The following R3HDM1 variants were observed in gnomAD, a reference collection of about 807,000 sequenced individuals.
R3HDM1 encodes R3H domain-containing protein 1.
A neutral mutation model predicts 141.1 loss-of-function variants in R3HDM1; 46 were observed. The ratio of observed to expected loss-of-function variants is 0.33; its 90% CI spans 0.26 to 0.42. The LOEUF is 0.42. Among genes scored for constraint, R3HDM1 ranks in the 10% least tolerant of loss-of-function variants. The pLI, the probability that R3HDM1 is intolerant of heterozygous loss-of-function variation, is 1.00. For missense variants in R3HDM1, 1,184 were observed against 1,368.3 expected (o/e 0.87, Z 2.12); for synonymous variants, 435 against 472.9 (o/e 0.92, Z 1.04).
intron 24 of R3HDM1, 98 bp from the exon 25 acceptor site, chr2:135,721,826 A>G: frequency 2.1e-6 from 2 of 957,726 alleles, no homozygotes; most frequent in South Asian, 2.8e-5. Context: ...GGCCTTAAGT[A>G]ATCCGCCTGC....
At chr2:135,713,129 G>A (rs1217730246) in intron 23 of R3HDM1, among the ~76,000 whole-genome samples, 1 of 152,096 alleles carries the variant, frequency 6.6e-6, no homozygotes, top group Non-Finnish European at 1.5e-5. Flanking sequence ...TTGACCCTGA[G>A]TGGTAGAGGC....
chr2:135,571,989 GCACCACGTC>G (rs1704218215), intron 1 of R3HDM1, among the ~76,000 whole-genome samples: 1 of 91,512 alleles, frequency 1.1e-5, no homozygotes, highest in Non-Finnish European at 1.8e-5. Flanking sequence ...CGTCATCCAG[GCACCACGTC>G]ATCCAGGAGT....
chr2:135,628,856 C>T (rs745772805), intron 7 of R3HDM1, among the ~76,000 whole-genome samples: 1 of 152,126 alleles, frequency 6.6e-6, no homozygotes, highest in Non-Finnish European at 1.5e-5. Flanking sequence ...GAACTCCCTA[C>T]CTCAGGTGAC....
intron 7 of R3HDM1, among the ~76,000 whole-genome samples, chr2:135,627,474 A>G (rs1051692256): frequency 2.0e-5 from 3 of 152,160 alleles, no homozygotes; most frequent in Admixed American, 1.3e-4. Flanking sequence ...AGACTACCCT[A>G]TTAAATACAG....
chr2:135,666,264 T>TGAG (rs1331002462), intron 19 of R3HDM1, among the ~76,000 whole-genome samples: 1 of 152,124 alleles, frequency 6.6e-6, no homozygotes, highest in Non-Finnish European at 1.5e-5. Flanking sequence ...GGTAAGCAGG[T>TGAG]GAGGGGGCTT....
Position 135,540,777 on chromosome 2 carries a change from C to T in R3HDM1, c.-250+9144C>T, listed in dbSNP as rs182883778. Among the ~76,000 whole-genome samples, 17 of 152,252 alleles carry T rather than the reference C, an allele frequency of 1.1e-4. No individual in the cohort carries two copies. The East Asian group carries it at 3.3e-3, about 29-fold the overall frequency. ...TCCAGAAGGTTTTCAGCTTACTTTA[C>T]CCAGTTGCATCAGAGGAATTACTAT... On this transcript the variant is annotated intron_variant, in intron 1 of 26. Transcript: ENST00000683871.
chr2:135,648,498 G>T (rs1232158640), intron 16 of R3HDM1, among the ~76,000 whole-genome samples: 1 of 152,074 alleles, frequency 6.6e-6, no homozygotes, highest in Non-Finnish European at 1.5e-5. Context: ...CAGAGATATT[G>T]TTCAGAAGGA....
intron 21 of R3HDM1, among the ~76,000 whole-genome samples, chr2:135,699,829 T>C (rs1300572123): frequency 6.6e-6 from 1 of 152,146 alleles, no homozygotes; most frequent in African/African-American, 2.4e-5. Flanking sequence ...TAGAGATAAA[T>C]TGTTACTCGA....
intron 1 of R3HDM1, among the ~76,000 whole-genome samples, chr2:135,601,330 G>T (rs1385985920): frequency 2.0e-5 from 3 of 152,130 alleles, no homozygotes; most frequent in African/African-American, 7.2e-5. Context: ...AAATCAAAAT[G>T]TGAAAAGTAA....
At chr2:135,534,882 A>G (rs1695718805) in intron 1 of R3HDM1, among the ~76,000 whole-genome samples, 1 of 152,136 alleles carries the variant, frequency 6.6e-6, no homozygotes, top group African/African-American at 2.4e-5. Flanking sequence ...CATTTGAGTT[A>G]GTATTAAGTT....
intron 1 of R3HDM1, among the ~76,000 whole-genome samples, chr2:135,597,863 T>C (rs2059321442): frequency 6.6e-6 from 1 of 152,184 alleles, no homozygotes; most frequent in African/African-American, 2.4e-5. Flanking sequence ...CTAGAGTAAA[T>C]TGACTTTTGT....
At chr2:135,701,227 A>G (rs1371153446) in intron 21 of R3HDM1, among the ~76,000 whole-genome samples, 1 of 149,786 alleles carries the variant, frequency 6.7e-6, no homozygotes, top group Non-Finnish European at 1.5e-5. Context: ...CTCTACCAAA[A>G]AAAAAAAAAA....
intron 1 of R3HDM1, among the ~76,000 whole-genome samples, chr2:135,534,699 AAATGGGTGCTTCTCCAAAGAG>A (rs906959328): frequency 6.6e-6 from 1 of 152,250 alleles, no homozygotes. Context: ...AACCTGGTAC[AAATGGGTGCTTCTCCAAAGAG>A]GTCTTACATG....
At chr2:135,551,798 A>G (rs1699897693) in intron 1 of R3HDM1, among the ~76,000 whole-genome samples, 1 of 152,132 alleles carries the variant, frequency 6.6e-6, no homozygotes, top group Non-Finnish European at 1.5e-5. Flanking sequence ...TTTGAGTGAA[A>G]TGTCAAAAAT....
At chr2:135,557,333 C>T (rs928746808) in intron 1 of R3HDM1, among the ~76,000 whole-genome samples, 2 of 151,452 alleles carry the variant, frequency 1.3e-5, no homozygotes, top group Non-Finnish European at 2.9e-5. Flanking sequence ...TCTTCCCATA[C>T]TATAACAAGG....
intron 21 of R3HDM1, among the ~76,000 whole-genome samples, chr2:135,699,075 T>TGGATTAGA (rs1553630332): frequency 1.5e-5 from 2 of 132,020 alleles, no homozygotes; most frequent in Non-Finnish European, 3.1e-5. Context: ...ATTAGATAGA[T>TGGATTAGA]TAGATAGATA....
chr2:135,596,628 T>C (rs2059216582), intron 1 of R3HDM1, among the ~76,000 whole-genome samples: 1 of 152,222 alleles, frequency 6.6e-6, no homozygotes, highest in Non-Finnish European at 1.5e-5. Context: ...TTATATACGT[T>C]ACATTTTATG....
intron 1 of R3HDM1, among the ~76,000 whole-genome samples, chr2:135,588,034 A>ATCTC (rs138410736): frequency 1.4e-5 from 2 of 145,168 alleles, no homozygotes; most frequent in African/African-American, 2.5e-5. Flanking sequence ...ATCTATCTTA[A>ATCTC]TCTCTCTCTC....
intron 1 of R3HDM1, among the ~76,000 whole-genome samples, chr2:135,563,098 C>G (rs1257146046): frequency 6.6e-6 from 1 of 152,150 alleles, no homozygotes; most frequent in Non-Finnish European, 1.5e-5. Flanking sequence ...TGTTTCGTTT[C>G]ATTTGGCTGA....
Sources: allele counts gnomAD v4.1 joint callset (sites outside exome capture counted in the v4.1 genomes callset), GRCh38; gene constraint gnomAD v4.1.1; transcripts MANE v1.5; gene names NCBI Gene and HGNC (gene_info 2026-07-23, HGNC 2026-07-21).